The following SLIT3 variants were observed in gnomAD, a reference collection of about 807,000 sequenced individuals.
SLIT3 encodes slit homolog 3 protein.
SLIT3 carries 68 observed loss-of-function variants against 184.0 expected under a neutral mutation model. That is an observed-to-expected ratio of 0.37 (90% confidence interval 0.30 to 0.45). The LOEUF (loss-of-function observed/expected upper bound fraction) is 0.45. Ranked by LOEUF, SLIT3 falls within the 20% of genes least tolerant of loss-of-function variation. The pLI, the probability that SLIT3 is intolerant of heterozygous loss-of-function variation, is 1.00. For synonymous variants in SLIT3, 831 were observed against 828.6 expected (o/e 1.00, Z -0.05); for missense variants, 1,707 against 2,026.0 (o/e 0.84, Z 3.02).
chr5:169,276,168 T>C (rs1766798656), intron 1 of SLIT3, among the ~76,000 whole-genome samples: 1 of 152,196 alleles, frequency 6.6e-6, no homozygotes, highest in African/African-American at 2.4e-5. Flanking sequence ...AGAGGGTTTC[T>C]GGCCCATCAG....
intron 4 of SLIT3, among the ~76,000 whole-genome samples, chr5:168,894,739 G>A (rs1760604217): frequency 6.6e-6 from 1 of 152,180 alleles, no homozygotes; most frequent in African/African-American, 2.4e-5. Context: ...AATAGATTTG[G>A]AAAATGCATT....
chr5:168,932,463 T>C (rs1378920096), intron 4 of SLIT3, among the ~76,000 whole-genome samples: 1 of 151,448 alleles, frequency 6.6e-6, no homozygotes, highest in Non-Finnish European at 1.5e-5. Flanking sequence ...ACAGAAAGAC[T>C]AGGAGGTAGG....
At chr5:169,034,912 A>AGTGTGTGTGTGTGTGTGTGT (rs112102059) in intron 4 of SLIT3, among the ~76,000 whole-genome samples, 2 of 132,322 alleles carry the variant, frequency 1.5e-5, no homozygotes, top group Non-Finnish European at 3.2e-5. Flanking sequence ...ACGCCCAGCT[A>AGTGTGTGTGTGTGTGTGTGT]GTGTGTGTGT....
chr5:168,959,551 T>C (rs1335361260), intron 4 of SLIT3, among the ~76,000 whole-genome samples: 10 of 152,336 alleles, frequency 6.6e-5, no homozygotes, highest in Non-Finnish European at 1.3e-4. Flanking sequence ...GTTGTTCACA[T>C]TATGAGAAAC....
At chr5:169,233,471 ATAGT>A (rs772602666) in intron 3 of SLIT3, among the ~76,000 whole-genome samples, 5 of 149,062 alleles carry the variant, frequency 3.4e-5, no homozygotes, top group Non-Finnish European at 7.4e-5. Context: ...AAGAATTCTG[ATAGT>A]TAGGAAGAAT....
intron 4 of SLIT3, among the ~76,000 whole-genome samples, chr5:169,152,607 T>G (rs974250331): frequency 6.6e-6 from 1 of 151,914 alleles, no homozygotes; most frequent in Non-Finnish European, 1.5e-5. Flanking sequence ...GGGCTGAGAG[T>G]CTACTCTAGA....
At chr5:168,844,732 C>A (rs761444911) in intron 5 of SLIT3, 77 bp from the exon 6 acceptor site, 5 of 1,361,314 alleles carry the variant, frequency 3.7e-6, no homozygotes, top group Non-Finnish European at 5.2e-6. Flanking sequence ...CACCCGAGCG[C>A]CTGTCCCTCC....
At chr5:168,907,505 C>A (rs944372946) in intron 4 of SLIT3, among the ~76,000 whole-genome samples, 2 of 152,134 alleles carry the variant, frequency 1.3e-5, no homozygotes, top group African/African-American at 4.8e-5. Flanking sequence ...TGCCATCAGT[C>A]GTGAGTTCTG....
intron 1 of SLIT3, among the ~76,000 whole-genome samples, chr5:169,267,182 CA>C (rs1561777110): frequency 6.6e-6 from 1 of 152,050 alleles, no homozygotes; most frequent in Non-Finnish European, 1.5e-5. Context: ...GAGATTAAGA[CA>C]CCTGTCTATG....
chr5:168,846,327 A>G (rs1192105626), intron 5 of SLIT3, among the ~76,000 whole-genome samples: 1 of 152,110 alleles, frequency 6.6e-6, no homozygotes, highest in Non-Finnish European at 1.5e-5. Flanking sequence ...ACTGATGCCC[A>G]CTCACACGGA....
intron 4 of SLIT3, among the ~76,000 whole-genome samples, chr5:168,980,453 A>G (rs1015600495): frequency 1.3e-5 from 2 of 152,210 alleles, no homozygotes; most frequent in African/African-American, 4.8e-5. Context: ...TTTGCTATAC[A>G]AGGAAATTGA....
chr5:168,674,489 CTTTTTT>C (rs141548947), intron 32 of SLIT3, among the ~76,000 whole-genome samples: 1 of 119,930 alleles, frequency 8.3e-6, no homozygotes, highest in African/African-American at 3.2e-5. Flanking sequence ...GGGATATTCA[CTTTTTT>C]TTTTTTTTTT....
At chr5:169,126,703 C>T (rs991518103) in intron 4 of SLIT3, among the ~76,000 whole-genome samples, 2 of 152,220 alleles carry the variant, frequency 1.3e-5, no homozygotes, top group African/African-American at 4.8e-5. Flanking sequence ...GCTGGAGATG[C>T]CCGAGTCTGC....
intron 4 of SLIT3, among the ~76,000 whole-genome samples, chr5:169,118,062 C>A (rs1431879168): frequency 6.6e-6 from 1 of 151,928 alleles, no homozygotes; most frequent in Non-Finnish European, 1.5e-5. Context: ...CTATTAATCC[C>A]AGTGCTTTGG....
At chr5:168,787,243 C>T (rs1004531911) in intron 11 of SLIT3, among the ~76,000 whole-genome samples, 17 of 152,232 alleles carry the variant, frequency 1.1e-4, no homozygotes, top group Non-Finnish European at 1.6e-4. Context: ...ACTGTCTGCC[C>T]GTGTCAGCTG....
At chr5:168,813,404 C>T (rs978808352) in intron 8 of SLIT3, among the ~76,000 whole-genome samples, 3 of 151,826 alleles carry the variant, frequency 2.0e-5, no homozygotes, top group African/African-American at 7.3e-5. Flanking sequence ...AAGTTCTGGT[C>T]GGGTTCAGGC....
chr5:169,259,246 AC>A (rs1766080110), intron 1 of SLIT3, among the ~76,000 whole-genome samples: 1 of 150,292 alleles, frequency 6.7e-6, no homozygotes, highest in African/African-American at 2.5e-5. Context: ...TTTAGTAGAG[AC>A]GGGGTTTCAC....
In SLIT3 at chr5:168,724,440, G is replaced by A; in HGVS notation, c.2315C>T (p.Ser772Phe). ...NHLTAVPREL[S>F]ALRHLTLIDL... is the part of the protein sequence containing the mutation. Reference sequence around the variant, plus strand: ...CATAAGCGTCAGGTGTCGGAGGGCGGACAGCTCTCTGGGCACGGCTGTTAG... The same window carrying A: ...CATAAGCGTCAGGTGTCGGAGGGCGAACAGCTCTCTGGGCACGGCTGTTAG... Residue 772 changes from serine (S) to phenylalanine (F), a missense_variant, in exon 21 of 36, where the codon TCC (serine) becomes TTC (phenylalanine). Coordinates refer to ENST00000519560, the MANE Select transcript of SLIT3 (RefSeq NM_003062.4). 1.2e-6 allele frequency: 2 copies of A among 1,613,036 alleles called. No homozygotes were observed. Among genetic ancestry groups the A allele is most frequent in the Non-Finnish European group, 1.7e-6 (2 of 1,179,374 alleles).
intron 9 of SLIT3, among the ~76,000 whole-genome samples, chr5:168,803,841 T>C (rs1756855458): frequency 6.6e-6 from 1 of 152,094 alleles, no homozygotes; most frequent in Admixed American, 6.6e-5. Context: ...GAATTCTGTC[T>C]TGAACATCCA....
Sources: allele counts gnomAD v4.1 joint callset (sites outside exome capture counted in the v4.1 genomes callset), GRCh38; gene constraint gnomAD v4.1.1; transcripts MANE v1.5; gene names NCBI Gene and HGNC (gene_info 2026-07-23, HGNC 2026-07-21).